The following SHTN1 variants were observed in gnomAD, a reference collection of about 807,000 sequenced individuals.
SHTN1 encodes shootin 1, also known as shootin-1.
SHTN1 carries 42 observed loss-of-function variants against 83.1 expected under a neutral mutation model. The observed-to-expected ratio is 0.51, with a 90% CI of 0.39 to 0.65. The LOEUF (loss-of-function observed/expected upper bound fraction) is 0.65, where lower values mean the gene tolerates loss of function less well. SHTN1 is among the 30% of genes least tolerant of loss of function. The pLI is 0.00. For synonymous variants in SHTN1, 224 were observed against 247.7 expected, an observed-to-expected ratio of 0.90 and a Z score of 0.90; for missense variants, 622 against 737.8, an observed-to-expected ratio of 0.84 and a Z score of 1.82.
chr10:117,126,136 G>A (rs1174587441), intron 1 of SHTN1, among the ~76,000 whole-genome samples: 1 of 152,138 alleles, frequency 6.6e-6, no homozygotes, highest in Non-Finnish European at 1.5e-5. Context: ...GCCGCTTGAC[G>A]TCACTTCCCG....
chr10:116,935,818 CT>C (rs1278549840), intron 9 of SHTN1, among the ~76,000 whole-genome samples: 2 of 152,062 alleles, frequency 1.3e-5, no homozygotes, highest in East Asian at 3.9e-4. Flanking sequence ...GGTTAGCAGG[CT>C]ATTAATTACT....
intron 1 of SHTN1, among the ~76,000 whole-genome samples, chr10:117,061,879 T>C (rs1354069422): frequency 6.6e-6 from 1 of 152,216 alleles, no homozygotes; most frequent in Non-Finnish European, 1.5e-5. Context: ...TGCTATGTTT[T>C]AAAATAACAC....
At chr10:116,940,882 T>C (rs2133397250) in intron 8 of SHTN1, among the ~76,000 whole-genome samples, 1 of 152,314 alleles carries the variant, frequency 6.6e-6, no homozygotes, top group East Asian at 1.9e-4. Context: ...TAAGATACAT[T>C]AATATTAATA....
At position 117,124,498 on chromosome 10, in the gene SHTN1, T is replaced by C. The variant is rs145030474; in HGVS notation, c.-189+1809A>G. Among the ~76,000 whole-genome samples, 87 of 152,232 alleles carry C rather than the reference T, an allele frequency of 5.7e-4. 1 individual carries two copies. The highest frequency in any genetic ancestry group is 2.0e-3 in the African/African-American group (82 of 41,562). The stretch of plus-strand genomic sequence containing the variant: ...TTTAAAACAGGCTGCACTTTGCTTT[T>C]CTCATTGAATTACTCTGTAATCCCA... On this transcript the variant is annotated intron_variant, in intron 1 of 17. Transcript: ENST00000392901.
chr10:116,988,307 T>TACAC (rs372435695), intron 1 of SHTN1, among the ~76,000 whole-genome samples: 33 of 148,352 alleles, frequency 2.2e-4, no homozygotes, highest in South Asian at 4.3e-4. Flanking sequence ...AAAAAGCTAA[T>TACAC]ACACACACAC....
chr10:117,010,043 CAAAAT>C (rs1852080323), upstream of SHTN1, among the ~76,000 whole-genome samples: 1 of 151,354 alleles, frequency 6.6e-6, no homozygotes, highest in East Asian at 1.9e-4. Flanking sequence ...AATAGACAAG[CAAAAT>C]AAACCTAAAG....
chr10:116,916,636 T>C (rs1184570522), intron 12 of SHTN1, among the ~76,000 whole-genome samples: 1 of 152,230 alleles, frequency 6.6e-6, no homozygotes, highest in Non-Finnish European at 1.5e-5. Flanking sequence ...TATTAGGCTT[T>C]GCAATAAGGA....
At chr10:117,054,778 C>A (rs1852804185) in intron 1 of SHTN1, among the ~76,000 whole-genome samples, 1 of 152,052 alleles carries the variant, frequency 6.6e-6, no homozygotes, top group South Asian at 2.1e-4. Flanking sequence ...ACTCCTTTAA[C>A]TGCAAATTAA....
At chr10:116,889,390 T>C (rs538616060) in intron 16 of SHTN1, among the ~76,000 whole-genome samples, 9 of 152,330 alleles carry the variant, frequency 5.9e-5, no homozygotes, top group Admixed American at 1.3e-4. Context: ...AAGTCACTTA[T>C]AGGCTACAAT....
chr10:117,095,241 C>T (rs1052666454), intron 1 of SHTN1, among the ~76,000 whole-genome samples: 5 of 152,216 alleles, frequency 3.3e-5, no homozygotes, highest in Non-Finnish European at 7.3e-5. Context: ...ATTTCCCACA[C>T]ACCTGCATTT....
At chr10:116,943,736 C>T (rs1849470566) in intron 8 of SHTN1, among the ~76,000 whole-genome samples, 1 of 152,186 alleles carries the variant, frequency 6.6e-6, no homozygotes, top group Non-Finnish European at 1.5e-5. Flanking sequence ...AAATGTCATT[C>T]CCCTAATGCC....
intron 15 of SHTN1, among the ~76,000 whole-genome samples, chr10:116,906,168 T>C (rs1169900041): frequency 6.6e-6 from 1 of 152,276 alleles, no homozygotes; most frequent in East Asian, 1.9e-4. Flanking sequence ...ACTTAATCTT[T>C]AGAATTATCC....
chr10:117,091,503 T>G lies in SHTN1; in HGVS notation c.-189+34804A>C, dbSNP rs947905559. Among the ~76,000 whole-genome samples the G allele has an allele frequency of 3.3e-5, 5 of 152,276 alleles. No individual in the cohort carries two copies. In the South Asian group the frequency reaches 8.3e-4, roughly 25 times the overall value. On this transcript the variant is annotated intron_variant, in intron 1 of 17. Coordinates refer to the SHTN1 transcript ENST00000392901. ...AAGCAAATTAAAGAAGAACTGGTAT[T>G]CCTTGGACTATGTCACCTTCTAAGG... is the stretch of plus-strand genomic sequence containing the variant.
chr10:116,942,528 G>A (rs924899447), intron 8 of SHTN1, among the ~76,000 whole-genome samples: 2 of 152,078 alleles, frequency 1.3e-5, no homozygotes, highest in African/African-American at 4.8e-5. Flanking sequence ...ATTTAATTAT[G>A]TTGAAGAAAT....
At chr10:116,910,957 T>C (rs1848167170) in intron 14 of SHTN1, among the ~76,000 whole-genome samples, 1 of 152,204 alleles carries the variant, frequency 6.6e-6, no homozygotes, top group Non-Finnish European at 1.5e-5. Context: ...AATAATCTTG[T>C]TTACCACAAT....
intron 2 of SHTN1, among the ~76,000 whole-genome samples, chr10:117,039,219 C>T (rs10787743): frequency 0.89 from 134,817 of 152,208 alleles, 61,042 homozygotes; most frequent in Non-Finnish European, 0.98. Flanking sequence ...TGCATATTAT[C>T]TAGTGAAATA....
rs377600413 is a variant in SHTN1, at chr10:116,886,512, G to C, written c.1728C>G (p.Ala576=). Residue 576 remains alanine, a synonymous_variant, in exon 17 of 17, where the codon GCC becomes GCG. Coordinates refer to ENST00000355371, the MANE Select transcript of SHTN1 (RefSeq NM_001127211.3). ...CAGGATCTAAAACTACAACTGGTTC[G>C]GCTTGTTTTTCACCGTCAATGTATT... ...RKKYIDGEKQ[A]EPVVVLDPVS... 3.7e-6 allele frequency: 6 copies of C among 1,614,042 alleles called. No homozygotes were observed. The highest frequency in any genetic ancestry group is 5.1e-6 in the Non-Finnish European group (6 of 1,180,018).
intron 4 of SHTN1, among the ~76,000 whole-genome samples, chr10:116,959,663 T>C (rs147787052): frequency 2.0e-5 from 3 of 152,332 alleles, no homozygotes; most frequent in Admixed American, 2.0e-4. Context: ...AGTGGAACAC[T>C]GGAGGTCACC....
chr10:116,960,922 T>C (rs1850162830), intron 3 of SHTN1, among the ~76,000 whole-genome samples: 1 of 152,016 alleles, frequency 6.6e-6, no homozygotes, highest in Admixed American at 6.6e-5. Flanking sequence ...GCTCGAAAAA[T>C]TGTATTTTTT....
Sources: allele counts gnomAD v4.1 joint callset (sites outside exome capture counted in the v4.1 genomes callset), GRCh38; gene constraint gnomAD v4.1.1; transcripts MANE v1.5; gene names NCBI Gene and HGNC (gene_info 2026-07-23, HGNC 2026-07-21).